Variants in DDX21 observed in about 807,000 individuals in gnomAD.
DDX21 encodes nucleolar RNA helicase 2.
Under a neutral mutation model 90.0 loss-of-function variants are expected in DDX21, and 18 were observed. The observed-to-expected ratio is 0.20, with a 90% confidence interval of 0.14 to 0.30. The LOEUF is 0.30. Among genes scored for constraint, DDX21 ranks in the 10% least tolerant of loss-of-function variants. The pLI is 1.00. For missense variants in DDX21, 673 were observed against 944.5 expected (o/e 0.71, Z 3.77); for synonymous variants, 294 against 318.0 (o/e 0.92, Z 0.80).
At chr10:68,965,762 T>C (rs1842931166) in intron 5 of DDX21, among the ~76,000 whole-genome samples, 1 of 151,988 alleles carries the variant, frequency 6.6e-6, no homozygotes, top group African/African-American at 2.4e-5. Context: ...GACAGTCCAT[T>C]TGGGCTCTAG....
intron 8 of DDX21, 35 bp downstream of exon 8, chr10:68,970,385 A>C (rs772907154): frequency 4.4e-6 from 7 of 1,591,442 alleles, no homozygotes; most frequent in Non-Finnish European, 6.0e-6. Flanking sequence ...AAAACTGGGG[A>C]TATCAACAAA....
chr10:68,981,830 C>T (rs1217173339), intron 14 of DDX21, among the ~76,000 whole-genome samples: 1 of 152,008 alleles, frequency 6.6e-6, no homozygotes, highest in Non-Finnish European at 1.5e-5. Context: ...CCCTTTAACA[C>T]TTATATATGG....
rs1282338736 is a variant in DDX21 at position 68,963,445 on chromosome 10, C to T, written c.762C>T (p.Asp254=). ...AGAAACTTCATGGGGAACTGCAAGA[C>T]AGGAAGAGAGGCCGTGCCCCTCAGG... ...LIEKLHGELQ[D]RKRGRAPQVL... The change falls in exon 4 of 15, where the codon GAC becomes GAT. Residue 254 remains aspartate, a synonymous_variant. Transcript: ENST00000354185. The T allele has an allele frequency of 1.2e-6, 2 of 1,613,268 alleles. No homozygotes were observed. The highest frequency in any genetic ancestry group is 1.3e-5 in the African/African-American group (1 of 74,974).
chr10:68,968,684 A>G (rs1417687269), intron 6 of DDX21, among the ~76,000 whole-genome samples: 1 of 152,256 alleles, frequency 6.6e-6, no homozygotes, highest in African/African-American at 2.4e-5. Context: ...AATATTGAGA[A>G]TAGAAATCTT....
chr10:68,956,752 G>C (rs1589280732), intron 1 of DDX21: 1 of 1,010,328 alleles, frequency 9.9e-7, no homozygotes, highest in East Asian at 9.7e-5. Context: ...AGTCAAAGTG[G>C]GTACTGGAGG....
At chr10:68,957,201 A>G (rs1842810680) in intron 1 of DDX21, among the ~76,000 whole-genome samples, 1 of 152,222 alleles carries the variant, frequency 6.6e-6, no homozygotes, top group Non-Finnish European at 1.5e-5. Context: ...GACGTAATTC[A>G]GTTATTACGA....
chr10:68,966,791 T>G (rs1842944620), intron 5 of DDX21, among the ~76,000 whole-genome samples: 1 of 152,192 alleles, frequency 6.6e-6, no homozygotes, highest in South Asian at 2.1e-4. Flanking sequence ...TTCAAATATT[T>G]ACTATAATTG....
intron 2 of DDX21, 82 bp downstream of exon 2, chr10:68,960,331 T>G (rs1842857146): frequency 7.3e-7 from 1 of 1,367,414 alleles, no homozygotes; most frequent in East Asian, 2.4e-5. Context: ...TATGTACTCT[T>G]TAATAGTAGG....
At chr10:68,970,691 C>T (rs958754973) in intron 8 of DDX21, among the ~76,000 whole-genome samples, 2 of 151,604 alleles carry the variant, frequency 1.3e-5, no homozygotes, top group African/African-American at 4.8e-5. Context: ...CTCGCTTCTT[C>T]GCCCAGGCTG....
intron 6 of DDX21, among the ~76,000 whole-genome samples, chr10:68,968,319 A>G (rs1476122572): frequency 2.6e-5 from 4 of 152,076 alleles, no homozygotes; most frequent in Admixed American, 2.6e-4. Context: ...ATGCCTGGCT[A>G]ATGTTTTTAT....
chr10:68,967,244 G>A lies in DDX21; in HGVS notation c.1090+41G>A, dbSNP rs758635959. 3.8e-6 allele frequency: 6 copies of A among 1,583,834 alleles called. No individual in the cohort carries two copies. The East Asian group carries it at 1.4e-4, about 36-fold the overall frequency. On this transcript the variant is annotated intron_variant, in intron 6 of 14. Coordinates refer to ENST00000354185, the MANE Select transcript of DDX21 (RefSeq NM_004728.4). ...AAGAAGCTGATAAAAAAGACCAAAG[G>A]AAGGGTGGTAACTCTGTCTCCTGGG...
intron 11 of DDX21, among the ~76,000 whole-genome samples, chr10:68,975,997 C>T (rs1182703356): frequency 2.0e-5 from 3 of 149,080 alleles, no homozygotes; most frequent in East Asian, 2.0e-4. Flanking sequence ...TGCAGTGGGC[C>T]GAGATCACAC....
intron 13 of DDX21, 104 bp from the exon 14 acceptor site, chr10:68,981,432 CT>C: frequency 9.5e-7 from 1 of 1,055,462 alleles, no homozygotes; most frequent in Non-Finnish European, 1.4e-6. Flanking sequence ...GGTTTTTTTG[CT>C]TTATGTTTTT....
In DDX21 at chr10:68,979,110, G is replaced by A. The variant is rs113405134; in HGVS notation, c.2037+134G>A. ...TCATCTTCCCTGGGTAATCTCATCC[G>A]TGATCCTCAGATGCCACTCTGCCAC... On this transcript the variant is annotated intron_variant, in intron 13 of 14. Coordinates refer to ENST00000354185, the MANE Select transcript of DDX21 (RefSeq NM_004728.4). 1,867 of 1,281,386 alleles carry A rather than the reference G, an allele frequency of 1.5e-3. 21 individuals carry two copies. The African/African-American group carries it at 0.025, about 17-fold the overall frequency. The allele number at this position is 1,281,386 out of a possible 1,614,324, so 79.4% of individuals were successfully genotyped here.
Position 68,963,374 on chromosome 10 carries a change from C to A in DDX21, c.691C>A (p.Arg231=). The part of the protein sequence containing the change: ...YSGKDLIAQA[R]TGTGKTFSFA... Reference sequence around the variant, plus strand: ...CGGGAAGGACTTAATTGCACAGGCACGGACAGGAACTGGGAAGACATTCTC... The same window carrying A: ...CGGGAAGGACTTAATTGCACAGGCAAGGACAGGAACTGGGAAGACATTCTC... The change falls in exon 4 of 15, where the codon CGG becomes AGG. Residue 231 remains arginine (R), a synonymous_variant. Coordinates refer to ENST00000354185, the MANE Select transcript of DDX21 (RefSeq NM_004728.4). The A allele has an allele frequency of 6.2e-7, 1 of 1,614,074 alleles. No homozygotes were observed.
chr10:68,956,507 C>T, intron 1 of DDX21, 195 bp downstream of exon 1: 1 of 1,430,752 alleles, frequency 7.0e-7, no homozygotes, highest in East Asian at 2.6e-5. Context: ...TTTGCCCGAC[C>T]GAGCCAGGTC....
chr10:68,959,024 A>G (rs1055634042), intron 1 of DDX21, among the ~76,000 whole-genome samples: 2 of 152,216 alleles, frequency 1.3e-5, no homozygotes, highest in Admixed American at 1.3e-4. Context: ...AAAAAAACAA[A>G]AAAAATCCCT....
intron 11 of DDX21, among the ~76,000 whole-genome samples, chr10:68,976,995 C>T (rs1007240174): frequency 3.3e-5 from 5 of 151,432 alleles, no homozygotes; most frequent in Non-Finnish European, 1.5e-5. Context: ...TTGTGTGTGG[C>T]ACAGTCATAG....
chr10:68,967,325 C>G (rs940210534), intron 6 of DDX21, 122 bp downstream of exon 6: 18 of 927,052 alleles, frequency 1.9e-5, no homozygotes, highest in Non-Finnish European at 2.5e-5. Context: ...AGGCACCCAC[C>G]ACCACGCCTG....
Sources: gnomAD v4.1 joint callset for allele counts (sites outside exome capture counted in the v4.1 genomes callset) on GRCh38, gnomAD v4.1.1 for gene constraint, MANE v1.5 for transcripts, NCBI Gene and HGNC (gene_info 2026-07-23, HGNC 2026-07-21) for gene names.